NUP214: variants seen among roughly 807,000 people sequenced by gnomAD.
The protein encoded by NUP214 is nuclear pore complex protein Nup214.
In NUP214, 79 loss-of-function variants were observed where a neutral mutation model predicts 196.2. The observed-to-expected ratio is 0.40, with a 90% CI of 0.34 to 0.49. NUP214 has a LOEUF of 0.49. Ranked by LOEUF, NUP214 falls within the 20% of genes least tolerant of loss-of-function variation. NUP214 has a pLI of 0.58. For synonymous variants in NUP214, 1,020 were observed against 990.5 expected, an observed-to-expected ratio of 1.03 and a Z score of -0.56; for missense variants, 2,468 against 2,539.0, an observed-to-expected ratio of 0.97 and a Z score of 0.60.
intron 30 of NUP214, among the ~76,000 whole-genome samples, chr9:131,208,416 G>A (rs189305636): frequency 6.6e-6 from 1 of 152,364 alleles, no homozygotes; most frequent in Non-Finnish European, 1.5e-5. Flanking sequence ...TGAAGTTCTT[G>A]GCCGGGTGCA....
chr9:131,195,337 T>C, intron 28 of NUP214, 43 bp downstream of exon 28: 3 of 1,506,756 alleles, frequency 2.0e-6, no homozygotes, highest in Non-Finnish European at 2.8e-6. Context: ...GTGTTTTCTC[T>C]AAATAAGTAC....
intron 29 of NUP214, among the ~76,000 whole-genome samples, chr9:131,200,131 A>G (rs1239926448): frequency 6.6e-6 from 1 of 152,228 alleles, no homozygotes; most frequent in African/African-American, 2.4e-5. Context: ...CCTCATGCAC[A>G]GGCATGGTCA....
intron 14 of NUP214, among the ~76,000 whole-genome samples, chr9:131,148,649 T>G (rs1468792366): frequency 1.3e-5 from 2 of 152,208 alleles, no homozygotes; most frequent in Admixed American, 6.5e-5. Flanking sequence ...ATTAGCAAAA[T>G]TAAGCTTTTT....
At chr9:131,157,044 T>G (rs1832472172) in intron 17 of NUP214, among the ~76,000 whole-genome samples, 1 of 152,098 alleles carries the variant, frequency 6.6e-6, no homozygotes, top group Non-Finnish European at 1.5e-5. Context: ...ATGATTATGG[T>G]GCACAAAAGC....
At chr9:131,193,608 A>AATG (rs932345181) in intron 27 of NUP214, among the ~76,000 whole-genome samples, 2 of 94,696 alleles carry the variant, frequency 2.1e-5, no homozygotes, top group African/African-American at 7.3e-5. Context: ...TCTTCTGTGA[A>AATG]ATGATATTCT....
intron 19 of NUP214, 28 bp from the exon 20 acceptor site, chr9:131,163,842 G>A: frequency 6.3e-7 from 1 of 1,586,252 alleles, no homozygotes; most frequent in East Asian, 2.2e-5. Flanking sequence ...CTCCTAGTTG[G>A]TCTGTATCTA....
intron 29 of NUP214, among the ~76,000 whole-genome samples, chr9:131,200,409 C>T (rs1833907619): frequency 6.6e-6 from 1 of 152,202 alleles, no homozygotes; most frequent in African/African-American, 2.4e-5. Flanking sequence ...AACCCCATCT[C>T]TACTAAAAAC....
rs546855601 is a variant in NUP214 at position 131,175,361 on chromosome 9, C to A, written c.3158-99C>A. ...TTTTCTATGTTAACGCTAATTTTAG[C>A]ATTTTCCCTGCAGTCGAACATAAAG... On this transcript the variant is annotated intron_variant, in intron 22 of 35. Transcript: ENST00000359428. The A allele has an allele frequency of 3.2e-5, 43 of 1,357,462 alleles. No individual in the cohort carries two copies. In the Middle Eastern group the frequency reaches 7.4e-4, roughly 23 times the overall value. The allele number at this position is 1,357,462 out of a possible 1,614,324, so 84.1% of individuals were successfully genotyped here.
chr9:131,189,148 GTT>G lies in NUP214; in HGVS notation c.3574+20_3574+21del, dbSNP rs1239047975. On this transcript the variant is annotated intron_variant, in intron 26 of 35. Transcript: ENST00000359428. ...AAGCTTCAGGTCAGTTTGCATTTTT[GTT>G]TTCTTGAAAAGTGAAAGAAGCACTC... The G allele has an allele frequency of 6.2e-7, 1 of 1,609,762 alleles. No homozygotes were observed. The highest frequency in any genetic ancestry group is 1.7e-5 in the Admixed American group (1 of 59,972).
At chr9:131,216,802 C>T (rs1005677261) in intron 31 of NUP214, among the ~76,000 whole-genome samples, 1 of 152,208 alleles carries the variant, frequency 6.6e-6, no homozygotes. Context: ...GCTGGGATTA[C>T]AGGCGTGAGC....
chr9:131,228,336 G>GC lies in NUP214; in HGVS notation c.6074+10dup. On this transcript the variant is annotated splice_donor_region_variant and intron_variant, in intron 33 of 35. Coordinates refer to ENST00000359428, the MANE Select transcript of NUP214 (RefSeq NM_005085.4). ...TGCCAGCGCAGGAGGATTCGGGTAA[G>GC]CCCCCTGGGGAGGGCCCTTGGGAAC... The GC allele has an allele frequency of 3.8e-6, 6 of 1,575,534 alleles. No individual in the cohort carries two copies. Among genetic ancestry groups the GC allele is most frequent in the Admixed American group, 2.0e-5 (1 of 49,364 alleles).
In NUP214 at chr9:131,125,629, T is replaced by C. The variant is rs1475050329; in HGVS notation, c.-76T>C. The C allele has an allele frequency of 6.5e-7, 1 of 1,538,768 alleles. No individual in the cohort carries two copies. The highest frequency in any genetic ancestry group is 2.5e-5 in the East Asian group (1 of 39,240). On this transcript the variant is annotated 5_prime_UTR_variant, in exon 1 of 36. Transcript: ENST00000359428. This position sits in a 1 kb window ranked among gnomAD's most constrained non-coding sequence, Gnocchi z 4.1. ...CTGGCGCTGAGGGGAGGAAGTTTGC[T>C]GTCGAGCGGCCTGGGTTCCGTGGGC...
rs534646297 is a variant in NUP214 at position 131,205,750 on chromosome 9, G to A, written c.5592+4033G>A. ...TACTCTGTTGCCCAGGCTGGAGTGT[G>A]GTGGCATGGTCTTGGCTCACTGCAA... On this transcript the variant is annotated intron_variant, in intron 30 of 35. Coordinates refer to ENST00000359428, the MANE Select transcript of NUP214 (RefSeq NM_005085.4). Among the ~76,000 whole-genome samples the A allele has an allele frequency of 1.5e-4, 23 of 152,104 alleles. 1 individual carries two copies. The highest frequency in any genetic ancestry group is 3.9e-4 in the Admixed American group (6 of 15,286).
chr9:131,139,927 A>G (rs1831856899), intron 10 of NUP214, among the ~76,000 whole-genome samples: 2 of 152,208 alleles, frequency 1.3e-5, no homozygotes, highest in African/African-American at 2.4e-5. Context: ...TAAAAGTGCC[A>G]CAAAAGAAAC....
Position 131,175,561 on chromosome 9 carries a change from T to C in NUP214, c.3259T>C (p.Ser1087Pro). Residue 1087 changes from serine to proline, a missense_variant, in exon 23 of 36, where the codon TCA (serine) becomes CCA (proline). Ser to Pro is a moderately conservative substitution (Grantham distance 74). Transcript: ENST00000359428. ...TGCACCTAGTCCTTCCCACCCCATC[T>C]CAGCCCCGCAGGCAGCTGCCGCAGC... ...HGAPSPSHPI[S>P]APQAAAAAAL... The C allele has an allele frequency of 1.9e-6, 3 of 1,614,130 alleles. 1 individual carries two copies. Among genetic ancestry groups the C allele is most frequent in the South Asian group, 2.2e-5 (2 of 91,074 alleles).
intron 30 of NUP214, among the ~76,000 whole-genome samples, chr9:131,209,399 T>G (rs1834174174): frequency 6.6e-6 from 1 of 152,044 alleles, no homozygotes; most frequent in Non-Finnish European, 1.5e-5. Context: ...CAAATTTATT[T>G]ATTTATTTAG....
chr9:131,129,574 G>GTT, intron 4 of NUP214, 97 bp downstream of exon 4: 18 of 1,248,112 alleles, frequency 1.4e-5, no homozygotes, highest in Non-Finnish European at 1.9e-5. Flanking sequence ...TTTGTGTTTT[G>GTT]GTTTTTTTTT....
At chr9:131,141,982 A>G (rs1428148731) in intron 11 of NUP214, among the ~76,000 whole-genome samples, 1 of 152,136 alleles carries the variant, frequency 6.6e-6, no homozygotes, top group Non-Finnish European at 1.5e-5. Context: ...CCTGCATCCC[A>G]GTGCACAGTG....
chr9:131,159,360 G>A, intron 17 of NUP214, 23 bp from the exon 18 acceptor site: 2 of 1,567,526 alleles, frequency 1.3e-6, no homozygotes, highest in Non-Finnish European at 1.8e-6. Flanking sequence ...CAAGTTATTT[G>A]CCTTTTAATT....
Sources: allele counts gnomAD v4.1 joint callset (sites outside exome capture counted in the v4.1 genomes callset), GRCh38; gene constraint gnomAD v4.1.1; non-coding constraint Gnocchi (gnomAD v3.1); transcripts MANE v1.5; gene names NCBI Gene and HGNC (gene_info 2026-07-23, HGNC 2026-07-21).